The following SLMAP variants were observed in gnomAD, a reference collection of about 807,000 sequenced individuals.
The protein encoded by SLMAP is sarcolemma associated protein, also known as sarcolemmal membrane-associated protein.
In SLMAP, 44 loss-of-function variants were observed where a neutral mutation model predicts 128.8. The observed-to-expected ratio is 0.34, with a 90% confidence interval of 0.27 to 0.44. The LOEUF (loss-of-function observed/expected upper bound fraction) is 0.44, where lower values mean the gene tolerates loss of function less well. SLMAP is among the 20% of genes least tolerant of loss of function. The pLI, the probability that SLMAP is intolerant of heterozygous loss-of-function variation, is 1.00. For missense variants in SLMAP, 787 were observed against 985.3 expected (o/e 0.80, Z 2.69); for synonymous variants, 327 against 348.8 (o/e 0.94, Z 0.70).
chr3:57,851,352 GT>G (rs11297177), intron 6 of SLMAP, among the ~76,000 whole-genome samples: 46,957 of 133,202 alleles, frequency 0.35, 7,955 homozygotes, highest in East Asian at 0.49. Flanking sequence ...GTTTTGGGTT[GT>G]TTTTTTTTTT....
Position 57,849,825 on chromosome 3 carries a change from A to G in SLMAP, c.519+9A>G. The G allele has an allele frequency of 2.9e-6, 4 of 1,396,926 alleles. No individual in the cohort carries two copies. The highest frequency in any genetic ancestry group is 3.1e-6 in the Non-Finnish European group (3 of 982,334). 86.5% of individuals were successfully genotyped at this position (1,396,926 alleles called of 1,614,324 possible). A position where few individuals can be genotyped will look rare whatever the true frequency, so the allele number is the denominator to read the frequency against. ...TTTCTCAGTATCTACAGGTAAAAGT[A>G]CATCTTGAGACTTCTTAAAAGCAGA... On this transcript the variant is annotated intron_variant, in intron 6 of 24. Coordinates refer to ENST00000671191, the MANE Select transcript of SLMAP (RefSeq NM_001377540.1).
At chr3:57,821,576 G>A (rs2092522870) in intron 2 of SLMAP, among the ~76,000 whole-genome samples, 1 of 152,114 alleles carries the variant, frequency 6.6e-6, no homozygotes, top group East Asian at 1.9e-4. Context: ...TGTTGAACAT[G>A]CATATAATTA....
chr3:57,793,918 C>CT (rs1249416436), intron 2 of SLMAP, among the ~76,000 whole-genome samples: 1 of 149,676 alleles, frequency 6.7e-6, no homozygotes, highest in Non-Finnish European at 1.5e-5. Flanking sequence ...AAAAAAAAAT[C>CT]CTGCTGGGTG....
intron 2 of SLMAP, among the ~76,000 whole-genome samples, chr3:57,828,862 C>T (rs535106383): frequency 2.0e-5 from 3 of 152,178 alleles, no homozygotes; most frequent in African/African-American, 4.8e-5. Flanking sequence ...TCACTGCAGC[C>T]GCAACCTCCC....
At chr3:57,892,163 T>G (rs569345413) in intron 15 of SLMAP, among the ~76,000 whole-genome samples, 1 of 152,300 alleles carries the variant, frequency 6.6e-6, no homozygotes, top group Admixed American at 6.5e-5. Flanking sequence ...ACCAGATGGC[T>G]GAAATAAGTT....
chr3:57,862,799 G>T (rs1456166584), intron 10 of SLMAP, among the ~76,000 whole-genome samples: 1 of 152,118 alleles, frequency 6.6e-6, no homozygotes, highest in Non-Finnish European at 1.5e-5. Flanking sequence ...TATAAAAAAA[G>T]ATTTTAGGTA....
At chr3:57,821,474 C>T (rs60653459) in intron 2 of SLMAP, among the ~76,000 whole-genome samples, 1 of 152,266 alleles carries the variant, frequency 6.6e-6, no homozygotes, top group African/African-American at 2.4e-5. Context: ...TTATTTCTCC[C>T]TTCAGTGGCA....
intron 2 of SLMAP, among the ~76,000 whole-genome samples, chr3:57,760,356 A>G (rs2078375061): frequency 6.6e-6 from 1 of 152,210 alleles, no homozygotes; most frequent in Admixed American, 6.5e-5. Context: ...CTATGAGACC[A>G]CTACTTTAGA....
At chr3:57,765,431 C>T (rs1446982143) in intron 2 of SLMAP, among the ~76,000 whole-genome samples, 1 of 151,916 alleles carries the variant, frequency 6.6e-6, no homozygotes, top group Non-Finnish European at 1.5e-5. Context: ...TAGTTAGGGT[C>T]AGTCAGGGAA....
At chr3:57,898,636 T>A (rs1044660298) in intron 17 of SLMAP, 1 of 152,208 alleles carries the variant, frequency 6.6e-6, no homozygotes, top group Admixed American at 6.5e-5. Context: ...CTGTTTTAGA[T>A]TTGATTTTTA....
chr3:57,831,610 AACATT>A (rs1302172552), intron 3 of SLMAP, 80 bp downstream of exon 3: 19 of 1,001,620 alleles, frequency 1.9e-5, no homozygotes, highest in Non-Finnish European at 2.6e-5. Flanking sequence ...GACATTATGA[AACATT>A]ACATGCTTGT....
In SLMAP at chr3:57,847,181, A is replaced by C; in HGVS notation, c.420-16A>C. 6.3e-7 allele frequency: 1 copy of C among 1,577,382 alleles called. No homozygotes were observed. The highest frequency in any genetic ancestry group is 8.7e-7 in the Non-Finnish European group (1 of 1,153,092). On this transcript the variant is annotated splice_polypyrimidine_tract_variant and intron_variant, in intron 4 of 24. Transcript: ENST00000671191. The stretch of plus-strand genomic sequence containing the variant: ...TGTCCGGATATTAGATAAAACTTCT[A>C]AATTTTACTTTTCAGTGTCATCCAT...
intron 3 of SLMAP, among the ~76,000 whole-genome samples, chr3:57,835,940 G>A (rs2093620026): frequency 6.6e-6 from 1 of 152,042 alleles, no homozygotes; most frequent in African/African-American, 2.4e-5. Context: ...ACATGTGAAT[G>A]ATAAATAGGA....
chr3:57,845,479 C>T (rs1360540284), intron 4 of SLMAP, among the ~76,000 whole-genome samples: 1 of 152,166 alleles, frequency 6.6e-6, no homozygotes, highest in African/African-American at 2.4e-5. Context: ...CTATTTTTAA[C>T]TCACATCTAA....
At chr3:57,787,082 C>G (rs17058534) in intron 2 of SLMAP, among the ~76,000 whole-genome samples, 2,573 of 152,214 alleles carry the variant, frequency 0.017, 64 homozygotes, top group African/African-American at 0.059. Context: ...TGCATTATAG[C>G]AGAAATAAAG....
intron 2 of SLMAP, among the ~76,000 whole-genome samples, chr3:57,790,532 T>C (rs1210440424): frequency 6.6e-6 from 1 of 152,248 alleles, no homozygotes; most frequent in African/African-American, 2.4e-5. Context: ...TATCAAATTC[T>C]ACCTAATTTT....
rs192885999 is a variant in SLMAP, at chr3:57,845,348, G to A, written c.420-1849G>A. ...AAGTCTGTATCATGGGTGCTCAGAA[G>A]GGAGGTGGGTGCTGGTAGTTAATAT... On this transcript the variant is annotated intron_variant, in intron 4 of 24. Transcript: ENST00000671191. Among the ~76,000 whole-genome samples, 3 of 152,324 alleles carry A rather than the reference G, an allele frequency of 2.0e-5. No homozygotes were observed. The East Asian group carries it at 5.8e-4, about 29-fold the overall frequency.
chr3:57,768,264 A>C lies in SLMAP; in HGVS notation c.198+10415A>C, dbSNP rs138992930. 1.4e-3 allele frequency among the ~76,000 whole-genome samples: 207 copies of C among 152,260 alleles called. 1 individual carries two copies. Among genetic ancestry groups the C allele is most frequent in the African/African-American group, 4.3e-3 (180 of 41,552 alleles). On this transcript the variant is annotated intron_variant, in intron 2 of 24. Transcript: ENST00000671191. ...GGATTTTAAATTTAAGCACATAGAA[A>C]CTGTGTGTTAAGATTTTCTCAATAT...
intron 3 of SLMAP, among the ~76,000 whole-genome samples, chr3:57,840,628 C>A (rs1560187222): frequency 6.6e-6 from 1 of 152,112 alleles, no homozygotes. Context: ...AAGTAAGATG[C>A]AACAGTGAGA....
Sources: allele counts gnomAD v4.1 joint callset (sites outside exome capture counted in the v4.1 genomes callset), GRCh38; gene constraint gnomAD v4.1.1; transcripts MANE v1.5; gene names NCBI Gene and HGNC (gene_info 2026-07-23, HGNC 2026-07-21).